Variants in MTHFD1 observed in about 807,000 individuals in gnomAD.
MTHFD1 encodes the protein methylenetetrahydrofolate dehydrogenase, cyclohydrolase and formyltetrahydrofolate synthetase 1.
In MTHFD1, 44 loss-of-function variants were observed where a neutral mutation model predicts 110.3. The ratio of observed to expected loss-of-function variants is 0.40; its 90% confidence interval spans 0.31 to 0.51. The LOEUF is 0.51. Among genes scored for constraint, MTHFD1 ranks in the 20% least tolerant of loss-of-function variants. MTHFD1 has a pLI of 0.60. For synonymous variants in MTHFD1, 402 were observed against 428.8 expected (o/e 0.94, Z 0.77); for missense variants, 909 against 1,173.1 (o/e 0.77, Z 3.29).
intron 24 of MTHFD1, 139 bp downstream of exon 24, chr14:64,449,761 A>G (rs996403678): frequency 3.1e-5 from 30 of 972,058 alleles, no homozygotes; most frequent in Middle Eastern, 2.3e-4. Context: ...GACTTACACA[A>G]CCACAGCCTG....
chr14:64,388,514 C>T, intron 1 of MTHFD1, 46 bp downstream of exon 1: 3 of 1,578,164 alleles, frequency 1.9e-6, no homozygotes, highest in Non-Finnish European at 2.6e-6. Context: ...TGGACGAGGG[C>T]TCTGAGGGTG....
chr14:64,426,546 C>T (rs982936606), intron 11 of MTHFD1, among the ~76,000 whole-genome samples: 3 of 152,212 alleles, frequency 2.0e-5, no homozygotes, highest in African/African-American at 7.2e-5. Flanking sequence ...TCTCGGCTCA[C>T]CACAACCTCT....
At chr14:64,415,526 G>A (rs761010801) in intron 5 of MTHFD1, 32 bp downstream of exon 5, 1 of 1,613,866 alleles carries the variant, frequency 6.2e-7, no homozygotes, top group Non-Finnish European at 8.5e-7. Flanking sequence ...ATGTCTCATT[G>A]CATGCTTTCA....
At chr14:64,419,265 T>G (rs867833824) in intron 7 of MTHFD1, 4 of 190,718 alleles carry the variant, frequency 2.1e-5, no homozygotes, top group Non-Finnish European at 4.4e-5. Context: ...GTAAAAGTGG[T>G]GGCCTCAGAG....
chr14:64,423,768 C>T (rs1257164360), intron 8 of MTHFD1, among the ~76,000 whole-genome samples: 1 of 151,712 alleles, frequency 6.6e-6, no homozygotes, highest in Non-Finnish European at 1.5e-5. Flanking sequence ...GCTCTGTTGC[C>T]CAGGCTGGAG....
intron 8 of MTHFD1, among the ~76,000 whole-genome samples, chr14:64,421,624 A>T (rs1459095483): frequency 2.7e-5 from 4 of 145,468 alleles, no homozygotes; most frequent in Non-Finnish European, 3.0e-5. Context: ...TATTTTTTTA[A>T]TTTTTTTTTT....
intron 13 of MTHFD1, 21 bp downstream of exon 13, chr14:64,430,251 G>T: frequency 1.2e-6 from 2 of 1,611,252 alleles, no homozygotes; most frequent in Non-Finnish European, 1.7e-6. Context: ...CTGGGATTTG[G>T]CTGAATTAGA....
rs2078318457 is a variant in MTHFD1 at position 64,448,651 on chromosome 14, T to A, written c.2279+334T>A. The A allele has an allele frequency of 1.2e-5, 4 of 326,176 alleles. No homozygotes were observed. The Admixed American group carries it at 1.3e-4, about 11-fold the overall frequency. The allele number at this position is 326,176 out of a possible 1,614,324, so 20.2% of individuals were successfully genotyped here. On this transcript the variant is annotated intron_variant, in intron 23 of 27. Transcript: ENST00000652337. Reference sequence around the variant, plus strand: ...GGCCTATAGTGTTCCATTATTTTACTAGATCTGGTGGGATGTTGTCTTGAC... The same window carrying A: ...GGCCTATAGTGTTCCATTATTTTACAAGATCTGGTGGGATGTTGTCTTGAC...
intron 12 of MTHFD1, among the ~76,000 whole-genome samples, chr14:64,428,156 C>T (rs1461029951): frequency 6.9e-6 from 1 of 145,346 alleles, no homozygotes; most frequent in Non-Finnish European, 1.5e-5. Context: ...CTCTGTCGCC[C>T]AGGCTGGAAT....
Position 64,426,096 on chromosome 14 carries a change from A to G in MTHFD1, c.1031A>G (p.Glu344Gly), listed in dbSNP as rs1212897615. 1 of 1,614,060 alleles carries G rather than the reference A, an allele frequency of 6.2e-7. No individual in the cohort carries two copies. The highest frequency in any genetic ancestry group is 8.5e-7 in the Non-Finnish European group (1 of 1,180,038). ...LAREIGLLSE[E>G]VELYGETKAK... ...CGAGAAATTGGTCTGCTGTCTGAAG[A>G]GGTAGAATTATATGGTGAAACAAAG... Residue 344 changes from glutamate (E) to glycine (G), a missense_variant, in exon 11 of 28, where the codon GAG (glutamate) becomes GGG (glycine). Physicochemically the swap from Glu to Gly is moderately conservative, Grantham distance 98. Transcript: ENST00000652337.
At chr14:64,392,700 G>T (rs568270765) in intron 1 of MTHFD1, among the ~76,000 whole-genome samples, 1 of 152,276 alleles carries the variant, frequency 6.6e-6, no homozygotes, top group East Asian at 1.9e-4. Flanking sequence ...CTTAGCTTCT[G>T]TATATTGGGG....
intron 8 of MTHFD1, among the ~76,000 whole-genome samples, chr14:64,423,937 C>A (rs1325369801): frequency 6.6e-6 from 1 of 151,572 alleles, no homozygotes; most frequent in Non-Finnish European, 1.5e-5. Context: ...CTGTGTTAGC[C>A]AGGATGGTCT....
intron 2 of MTHFD1, among the ~76,000 whole-genome samples, chr14:64,403,996 CTAG>C (rs2077919579): frequency 6.6e-6 from 1 of 152,214 alleles, no homozygotes; most frequent in South Asian, 2.1e-4. Context: ...TGCTGGTTCA[CTAG>C]TAGTCTTACA....
At chr14:64,399,901 G>A in intron 1 of MTHFD1, among the ~76,000 whole-genome samples, 1 of 152,040 alleles carries the variant, frequency 6.6e-6, no homozygotes, top group Non-Finnish European at 1.5e-5. Context: ...GCAGCCTCCT[G>A]AGTAGCTGGG....
chr14:64,420,907 T>C (rs756008286), intron 8 of MTHFD1, among the ~76,000 whole-genome samples: 3 of 152,186 alleles, frequency 2.0e-5, no homozygotes, highest in Non-Finnish European at 4.4e-5. Flanking sequence ...TGGAGTGGGC[T>C]ACTCTTTCAA....
In MTHFD1 at chr14:64,413,292, C is replaced by T. The variant is rs1367493795; in HGVS notation, c.240+767C>T. ...ACTTGAACCCGGGAGGCGGAGGTTG[C>T]AGTGAGCCAAGATCGTACCATTGCA... On this transcript the variant is annotated intron_variant, in intron 4 of 27. Transcript: ENST00000652337. Among the ~76,000 whole-genome samples, 6 of 152,084 alleles carry T rather than the reference C, an allele frequency of 3.9e-5. No homozygotes were observed. The South Asian group carries it at 1.2e-3, about 32-fold the overall frequency.
At position 64,442,343 on chromosome 14, in the gene MTHFD1, C is replaced by A. The variant is rs757239075; in HGVS notation, c.2077C>A (p.His693Asn). The A allele has an allele frequency of 5.0e-6, 8 of 1,614,094 alleles. No individual in the cohort carries two copies. The highest frequency in any genetic ancestry group is 5.9e-6 in the Non-Finnish European group (7 of 1,180,014). ...IKCRYSGLCP[H>N]VVVLVATVRA... ...ATGCCGGTATTCCGGCCTCTGCCCCCACGTGGTGGTGCTTGTTGCCACTGT... is the reference window on the plus strand; with the variant it reads ...ATGCCGGTATTCCGGCCTCTGCCCCAACGTGGTGGTGCTTGTTGCCACTGT... The change falls in exon 21 of 28, where the codon CAC (histidine) becomes AAC (asparagine). Residue 693 changes from histidine (H) to asparagine (N), a missense_variant. His to Asn is a moderately conservative substitution (Grantham distance 68, BLOSUM62 1). Coordinates refer to ENST00000652337, the MANE Select transcript of MTHFD1 (RefSeq NM_005956.4).
At chr14:64,420,064 C>A (rs1596541316) in intron 8 of MTHFD1, 139 bp downstream of exon 8, 1 of 733,366 alleles carries the variant, frequency 1.4e-6, no homozygotes, top group East Asian at 2.7e-5. Flanking sequence ...CCCAAGGGTG[C>A]ACAGAGTTAG....
Position 64,440,186 on chromosome 14 carries a change from C to T in MTHFD1, c.1735C>T (p.Leu579=). 2 of 1,614,102 alleles carry T rather than the reference C, an allele frequency of 1.2e-6. No homozygotes were observed. The highest frequency in any genetic ancestry group is 1.7e-6 in the Non-Finnish European group (2 of 1,180,012). Reference sequence around the variant, plus strand: ...GGCTGTCCTGGCTCTCACCACTTCTCTAGAAGACATGAGAGAGAGACTGGG... The same window carrying T: ...GGCTGTCCTGGCTCTCACCACTTCTTTAGAAGACATGAGAGAGAGACTGGG... ...IMAVLALTTS[L]EDMRERLGKM... Residue 579 remains leucine (L), a synonymous_variant, in exon 18 of 28, where the codon CTA becomes TTA. Coordinates refer to ENST00000652337, the MANE Select transcript of MTHFD1 (RefSeq NM_005956.4).
Sources: gnomAD v4.1 joint callset for allele counts (sites outside exome capture counted in the v4.1 genomes callset) on GRCh38, gnomAD v4.1.1 for gene constraint, MANE v1.5 for transcripts, NCBI Gene and HGNC (gene_info 2026-07-23, HGNC 2026-07-21) for gene names.